F13A1: variants seen among roughly 807,000 people sequenced by gnomAD.
F13A1 encodes coagulation factor XIII A chain.
A neutral mutation model predicts 80.1 loss-of-function variants in F13A1; 47 were observed. That is an observed-to-expected ratio of 0.59 (90% CI 0.46 to 0.75). The LOEUF is 0.75. Ranked by LOEUF, F13A1 falls within the 30% of genes least tolerant of loss-of-function variation. The pLI, the probability that F13A1 is intolerant of heterozygous loss-of-function variation, is 0.00. For missense variants in F13A1, 817 were observed against 930.4 expected (o/e 0.88, Z 1.59); for synonymous variants, 349 against 344.9 (o/e 1.01, Z -0.13).
At chr6:6,175,709 G>A (rs534324102) in intron 11 of F13A1, among the ~76,000 whole-genome samples, 190 of 152,352 alleles carry the variant, frequency 1.2e-3, no homozygotes, top group Admixed American at 1.9e-3. Flanking sequence ...CTGACACGGA[G>A]GGCAGTTTTT....
At chr6:6,186,600 G>A (rs746261759) in intron 10 of F13A1, among the ~76,000 whole-genome samples, 60 of 152,228 alleles carry the variant, frequency 3.9e-4, no homozygotes, top group Non-Finnish European at 7.5e-4. Flanking sequence ...TTTGGTACCA[G>A]TACCATGCTG....
At chr6:6,260,957 T>TTTTG (rs1164030922) in intron 4 of F13A1, among the ~76,000 whole-genome samples, 1 of 151,972 alleles carries the variant, frequency 6.6e-6, no homozygotes, top group African/African-American at 2.4e-5. Flanking sequence ...TCCTGAGGTT[T>TTTTG]TTTGTTTGTT....
At chr6:6,312,740 AAT>A (rs869135159) in intron 2 of F13A1, among the ~76,000 whole-genome samples, 6 of 69,902 alleles carry the variant, frequency 8.6e-5, no homozygotes, top group Non-Finnish European at 8.1e-5. Flanking sequence ...TTTCATAAAA[AAT>A]AAAATAAAAC....
chr6:6,177,156 T>C (rs1475057428), intron 11 of F13A1, among the ~76,000 whole-genome samples: 1 of 152,248 alleles, frequency 6.6e-6, no homozygotes, highest in Non-Finnish European at 1.5e-5. Context: ...AGCCAGATTA[T>C]ATTTTCTGAG....
intron 6 of F13A1, among the ~76,000 whole-genome samples, chr6:6,229,519 A>G (rs1757321219): frequency 2.0e-5 from 3 of 152,230 alleles, no homozygotes; most frequent in Admixed American, 1.3e-4. Flanking sequence ...AGTTATGGAA[A>G]ACAAAGATGA....
At chr6:6,232,823 T>C (rs964004052) in intron 6 of F13A1, among the ~76,000 whole-genome samples, 1 of 152,070 alleles carries the variant, frequency 6.6e-6, no homozygotes, top group Non-Finnish European at 1.5e-5. Flanking sequence ...TGCAAATACA[T>C]GGAAATTAAG....
chr6:6,267,833 G>A (rs1757866921), intron 3 of F13A1, among the ~76,000 whole-genome samples: 1 of 152,182 alleles, frequency 6.6e-6, no homozygotes, highest in Non-Finnish European at 1.5e-5. Flanking sequence ...ACATCTGAAA[G>A]CACTCTTTGT....
chr6:6,168,506 G>A (rs1384337990), intron 12 of F13A1, among the ~76,000 whole-genome samples: 1 of 152,216 alleles, frequency 6.6e-6, no homozygotes, highest in Admixed American at 6.5e-5. Flanking sequence ...CCTGGTTGGA[G>A]CCAGATGCCT....
chr6:6,318,875 C>T (rs1386123122), intron 1 of F13A1, among the ~76,000 whole-genome samples, 193 bp from the exon 2 acceptor site: 1 of 151,998 alleles, frequency 6.6e-6, no homozygotes, highest in Non-Finnish European at 1.5e-5. Flanking sequence ...TACAGTTCCC[C>T]AAGGATCTTG....
intron 6 of F13A1, among the ~76,000 whole-genome samples, chr6:6,238,715 C>CATATATATATATATATATATATAT (rs4053228): frequency 8.2e-4 from 120 of 145,984 alleles, no homozygotes; most frequent in African/African-American, 2.5e-3. Flanking sequence ...AAACATGCTG[C>CATATATATATATATATATATATAT]ATATATATAT....
intron 3 of F13A1, among the ~76,000 whole-genome samples, chr6:6,267,858 C>T (rs1280478854): frequency 4.6e-5 from 7 of 152,192 alleles, no homozygotes; most frequent in Non-Finnish European, 7.3e-5. Flanking sequence ...GTTATGTGCT[C>T]AACCTCAGCT....
rs143711562 is a variant in F13A1 at position 6,174,597 on chromosome 6, G to A, written c.1730C>T (p.Thr577Met). Residue 577 changes from threonine (T) to methionine (M), a missense_variant, in exon 12 of 15, where the codon ACG becomes ATG. By Grantham distance (81) the Thr-to-Met change is moderately conservative. Coordinates refer to ENST00000264870, the MANE Select transcript of F13A1 (RefSeq NM_000129.4). ...AEFKKETFDV[T>M]LEPLSFKKEA... ...TAGCTTACAGGACAAGGGCTCCAGC[G>A]TCACGTCGAACGTCTCCTTCTTGAA... 4,420 of 1,614,134 alleles carry A rather than the reference G, an allele frequency of 2.7e-3. 14 individuals carry two copies. The highest frequency in any genetic ancestry group is 3.5e-3 in the Non-Finnish European group (4,120 of 1,180,018).
chr6:6,257,630 A>G (rs1205842063), intron 4 of F13A1, among the ~76,000 whole-genome samples: 2 of 152,210 alleles, frequency 1.3e-5, no homozygotes, highest in Admixed American at 1.3e-4. Flanking sequence ...TTGCACCCTC[A>G]GGCTACTGCC....
intron 3 of F13A1, among the ~76,000 whole-genome samples, chr6:6,278,706 GT>G (rs1401876765): frequency 6.6e-6 from 1 of 151,962 alleles, no homozygotes; most frequent in Admixed American, 6.6e-5. Context: ...ATTGTGGGAG[GT>G]GACAGTGCCT....
chr6:6,220,697 C>G (rs533467211), intron 8 of F13A1, among the ~76,000 whole-genome samples: 7 of 152,030 alleles, frequency 4.6e-5, no homozygotes, highest in Admixed American at 4.6e-4. Context: ...TTTTGTCATC[C>G]CATATACATG....
At chr6:6,166,757 CTCTTGAGCCATT>C (rs1760681868) in intron 13 of F13A1, among the ~76,000 whole-genome samples, 1 of 152,208 alleles carries the variant, frequency 6.6e-6, no homozygotes, top group Non-Finnish European at 1.5e-5. Context: ...TCTGCCAAGT[CTCTTGAGCCATT>C]TGGGCAGAGA....
intron 6 of F13A1, among the ~76,000 whole-genome samples, chr6:6,232,964 G>A (rs533170131): frequency 9.2e-5 from 14 of 152,190 alleles, no homozygotes; most frequent in Admixed American, 6.5e-4. Context: ...AGTGCTAGGA[G>A]GAAAGTTCAT....
intron 10 of F13A1, among the ~76,000 whole-genome samples, chr6:6,190,540 G>A (rs1209326165): frequency 6.6e-6 from 1 of 151,208 alleles, no homozygotes; most frequent in Admixed American, 6.6e-5. Flanking sequence ...CTGCTCGGGG[G>A]TCAGGGGTCA....
chr6:6,219,466 A>G (rs560059878), intron 8 of F13A1, among the ~76,000 whole-genome samples: 95 of 152,220 alleles, frequency 6.2e-4, no homozygotes, highest in Non-Finnish European at 1.2e-3. Context: ...TAATCATTAT[A>G]GTCACTCCAT....
Sources: gnomAD v4.1 joint callset for allele counts (sites outside exome capture counted in the v4.1 genomes callset) on GRCh38, gnomAD v4.1.1 for gene constraint, MANE v1.5 for transcripts, NCBI Gene and HGNC (gene_info 2026-07-23, HGNC 2026-07-21) for gene names.